Variants in GABRG1 observed in about 807,000 individuals in gnomAD.
GABRG1 encodes the protein gamma-aminobutyric acid receptor subunit gamma-1.
Under a neutral mutation model 49.8 loss-of-function variants are expected in GABRG1, and 49 were observed. The ratio of observed to expected loss-of-function variants is 0.98; its 90% CI spans 0.78 to 1.25. The LOEUF is 1.25. GABRG1 is among the 50% of genes most tolerant of loss of function. The pLI, the probability that GABRG1 is intolerant of heterozygous loss-of-function variation, is 0.00. For missense variants in GABRG1, 552 were observed against 552.3 expected, an observed-to-expected ratio of 1.00 and a Z score of 0.01; for synonymous variants, 232 against 185.1, an observed-to-expected ratio of 1.25 and a Z score of -2.06.
At chr4:46,117,448 C>T (rs1720932955) in intron 1 of GABRG1, among the ~76,000 whole-genome samples, 1 of 149,436 alleles carries the variant, frequency 6.7e-6, no homozygotes, top group Non-Finnish European at 1.5e-5. Context: ...TCTTACACAA[C>T]CAGAGTAAAG....
intron 5 of GABRG1, among the ~76,000 whole-genome samples, chr4:46,064,030 C>T (rs960464459): frequency 6.6e-6 from 1 of 151,970 alleles, no homozygotes; most frequent in Non-Finnish European, 1.5e-5. Flanking sequence ...TACTATTTGC[C>T]TAACCAATTT....
chr4:46,114,929 C>T (rs970326268), intron 1 of GABRG1, among the ~76,000 whole-genome samples: 8 of 149,816 alleles, frequency 5.3e-5, no homozygotes, highest in Non-Finnish European at 1.2e-4. Flanking sequence ...AAATGTCTTA[C>T]GTGAAGAAAA....
At chr4:46,110,630 C>T (rs767480405) in intron 1 of GABRG1, among the ~76,000 whole-genome samples, 20 of 151,182 alleles carry the variant, frequency 1.3e-4, no homozygotes, top group Non-Finnish European at 2.8e-4. Context: ...CTGAACCCAA[C>T]AGTACATCAA....
chr4:46,066,666 G>C lies in GABRG1; in HGVS notation c.322-1082C>G, dbSNP rs1718931188. On this transcript the variant is annotated intron_variant, in intron 3 of 8. Coordinates refer to ENST00000295452, the MANE Select transcript of GABRG1 (RefSeq NM_173536.4). Reference sequence around the variant, plus strand: ...AGCAAAGCCTTTGTCCATAGTAACTGTAATTAGGAAATTCCACAATTAACA... The same window carrying C: ...AGCAAAGCCTTTGTCCATAGTAACTCTAATTAGGAAATTCCACAATTAACA... Among the ~76,000 whole-genome samples, 3 of 152,096 alleles carry C rather than the reference G, an allele frequency of 2.0e-5. No individual in the cohort carries two copies. In the South Asian group the frequency reaches 6.2e-4, roughly 32 times the overall value.
At chr4:46,097,083 T>C in intron 2 of GABRG1, 118 bp downstream of exon 2, 1 of 875,304 alleles carries the variant, frequency 1.1e-6, no homozygotes, top group Non-Finnish European at 1.6e-6. Context: ...ATCTTCAAAT[T>C]CAGCAGATTC....
rs558555126 is a variant in GABRG1 at position 46,062,446 on chromosome 4, G to A, written c.625+1995C>T. 7.2e-5 allele frequency among the ~76,000 whole-genome samples: 11 copies of A among 152,196 alleles called. No individual in the cohort carries two copies. In the East Asian group the frequency reaches 7.7e-4, roughly 11 times the overall value. The stretch of plus-strand genomic sequence containing the variant: ...TCTAGTTCTAGATCCCTGAGGAATC[G>A]CCACACTGATTTCCACAATGGTTGA... On this transcript the variant is annotated intron_variant, in intron 5 of 8. Transcript: ENST00000295452.
At chr4:46,115,577 G>A (rs925467379) in intron 1 of GABRG1, among the ~76,000 whole-genome samples, 2 of 150,664 alleles carry the variant, frequency 1.3e-5, no homozygotes, top group Admixed American at 6.6e-5. Context: ...CTACAGACCA[G>A]AGCATGAATA....
rs2109386276 is a variant in GABRG1 at position 46,036,049 on chromosome 4, C to T, written c.*4939G>A. 6.6e-6 allele frequency: 1 copy of T among 152,040 alleles called. No individual in the cohort carries two copies. Among genetic ancestry groups the T allele is most frequent in the South Asian group, 2.1e-4 (1 of 4,826 alleles). The allele number at this position is 152,040 out of a possible 1,614,324, so 9.4% of individuals were successfully genotyped here. A position where few individuals can be genotyped will look rare whatever the true frequency, so the allele number is the denominator to read the frequency against. ...CTATTTCCATTTAGGTAAATCATGT[C>T]TCAAAAGTCTTCTAATTAGCCCTTT... On this transcript the variant is annotated 3_prime_UTR_variant, in exon 9 of 9. Coordinates refer to ENST00000295452, the MANE Select transcript of GABRG1 (RefSeq NM_173536.4).
chr4:46,047,923 C>T lies in GABRG1; in HGVS notation c.1131+3501G>A, dbSNP rs552785797. Among the ~76,000 whole-genome samples, 34 of 152,034 alleles carry T rather than the reference C, an allele frequency of 2.2e-4. No homozygotes were observed. The South Asian group carries it at 2.9e-3, about 13-fold the overall frequency. On this transcript the variant is annotated intron_variant, in intron 8 of 8. Coordinates refer to ENST00000295452, the MANE Select transcript of GABRG1 (RefSeq NM_173536.4). The stretch of plus-strand genomic sequence containing the variant: ...TCTCTTTTTTGTCTCCATAATGTCT[C>T]GTCCATAGCTGGATAAATAAATTTC...
At chr4:46,062,872 T>C (rs1327538803) in intron 5 of GABRG1, among the ~76,000 whole-genome samples, 4 of 151,726 alleles carry the variant, frequency 2.6e-5, no homozygotes, top group Non-Finnish European at 4.4e-5. Context: ...TATACACCAA[T>C]AACAGACAAA....
chr4:46,114,603 A>G (rs766447834), intron 1 of GABRG1, among the ~76,000 whole-genome samples: 7 of 151,058 alleles, frequency 4.6e-5, no homozygotes, highest in Non-Finnish European at 8.9e-5. Context: ...CCTACTCCCA[A>G]ATCTGATACA....
At position 46,058,362 on chromosome 4, in the gene GABRG1, A is replaced by G. The variant is rs771367844; in HGVS notation, c.771T>C (p.Tyr257=). 1 of 1,607,994 alleles carries G rather than the reference A, an allele frequency of 6.2e-7. No homozygotes were observed. Among genetic ancestry groups the G allele is most frequent in the Admixed American group, 1.7e-5 (1 of 58,706 alleles). ...GGTCAAAAAAAATTGTCATGATAAC[A>G]TAATCCCCTGTAAGAAAAAAAAGTT... ...TEITHTISGD[Y]VIMTIFFDLS... is the part of the protein sequence containing the mutation. Residue 257 remains tyrosine (Y), a synonymous_variant, in exon 7 of 9, where the codon TAT becomes TAC. Transcript: ENST00000295452.
intron 3 of GABRG1, among the ~76,000 whole-genome samples, chr4:46,068,092 G>A (rs756420649): frequency 3.5e-4 from 54 of 152,140 alleles, no homozygotes; most frequent in African/African-American, 7.2e-4. Context: ...TGTAACCTAC[G>A]CTAATGACAT....
At position 46,038,048 on chromosome 4, in the gene GABRG1, GT is replaced by G. The variant is rs1238488739; in HGVS notation, c.*2939del. On this transcript the variant is annotated 3_prime_UTR_variant, in exon 9 of 9. Coordinates refer to ENST00000295452, the MANE Select transcript of GABRG1 (RefSeq NM_173536.4). Reference sequence around the variant, plus strand: ...ACACATTTACTGTGCTTAATTTAAAGTTGATCAATTTTAAAAACTTATTAAA... The same window carrying G: ...ACACATTTACTGTGCTTAATTTAAAGTGATCAATTTTAAAAACTTATTAAA... The G allele has an allele frequency of 4.0e-5, 6 of 151,534 alleles. No homozygotes were observed. The highest frequency in any genetic ancestry group is 7.4e-5 in the Non-Finnish European group (5 of 67,690). The allele number at this position is 151,534 out of a possible 1,614,324, so 9.4% of individuals were successfully genotyped here.
At chr4:46,052,239 AAG>A (rs1189013931) in intron 7 of GABRG1, among the ~76,000 whole-genome samples, 30 of 151,812 alleles carry the variant, frequency 2.0e-4, no homozygotes, top group African/African-American at 5.3e-4. Context: ...AAAAAAAAAA[AAG>A]AAATACCTAC....
intron 7 of GABRG1, among the ~76,000 whole-genome samples, chr4:46,056,160 A>T (rs1462996928): frequency 6.8e-4 from 22 of 32,248 alleles, no homozygotes; most frequent in African/African-American, 3.2e-3. Context: ...TTAAAAAAAA[A>T]AAAAAAAAAA....
At chr4:46,112,863 C>A (rs577396321) in intron 1 of GABRG1, among the ~76,000 whole-genome samples, 1 of 150,870 alleles carries the variant, frequency 6.6e-6, no homozygotes. Flanking sequence ...ATTATTCCTA[C>A]TTCAAAGCTC....
chr4:46,058,752 T>C lies in GABRG1; in HGVS notation c.626-130A>G, dbSNP rs915770304. On this transcript the variant is annotated intron_variant, in intron 5 of 8. Coordinates refer to ENST00000295452, the MANE Select transcript of GABRG1 (RefSeq NM_173536.4). Reference sequence around the variant, plus strand: ...TACAAGATATGCCAAACATAGAATATTTGAATACAATAAATATTAATAAGC... The same window carrying C: ...TACAAGATATGCCAAACATAGAATACTTGAATACAATAAATATTAATAAGC... The C allele has an allele frequency of 1.1e-5, 7 of 660,190 alleles. 1 individual carries two copies. In the South Asian group the frequency reaches 1.3e-4, roughly 12 times the overall value. 40.9% of individuals were successfully genotyped at this position (660,190 alleles called of 1,614,324 possible).
chr4:46,117,967 T>A (rs1183673822), intron 1 of GABRG1, among the ~76,000 whole-genome samples: 1 of 66,756 alleles, frequency 1.5e-5, no homozygotes, highest in African/African-American at 9.6e-5. Flanking sequence ...TATACATATA[T>A]ACATATGTAT....
Sources: gnomAD v4.1 joint callset for allele counts (sites outside exome capture counted in the v4.1 genomes callset) on GRCh38, gnomAD v4.1.1 for gene constraint, MANE v1.5 for transcripts, NCBI Gene and HGNC (gene_info 2026-07-23, HGNC 2026-07-21) for gene names.